The following NELL1 variants were observed in gnomAD, a reference collection of about 807,000 sequenced individuals.
NELL1 encodes the protein protein kinase C-binding protein NELL1.
A neutral mutation model predicts 107.4 loss-of-function variants in NELL1; 76 were observed. The ratio of observed to expected loss-of-function variants is 0.71; its 90% CI spans 0.59 to 0.86. The LOEUF (loss-of-function observed/expected upper bound fraction) is 0.86, where lower values mean the gene tolerates loss of function less well. NELL1 is among the 40% of genes least tolerant of loss of function. NELL1 has a pLI of 0.00. For missense variants in NELL1, 1,024 were observed against 1,005.5 expected (o/e 1.02, Z -0.25); for synonymous variants, 353 against 341.2 (o/e 1.03, Z -0.38).
At chr11:21,284,901 T>C (rs976557375) in intron 14 of NELL1, 4 of 252,952 alleles carry the variant, frequency 1.6e-5, no homozygotes, top group Admixed American at 4.9e-5. Context: ...GGGTACCACA[T>C]TGGACATCAT....
At chr11:21,457,050 G>T (rs1005852978) in intron 15 of NELL1, among the ~76,000 whole-genome samples, 3 of 152,092 alleles carry the variant, frequency 2.0e-5, no homozygotes, top group African/African-American at 7.2e-5. Flanking sequence ...TATAGCTGAG[G>T]AAAATGTGTA....
chr11:21,276,420 A>C lies in NELL1; in HGVS notation c.1549+46966A>C, dbSNP rs539958918. ...AGAGGATACAGAGAAATGGAAGAAC[A>C]TTCCATGCTCATTGGTAGGAAGAAT... On this transcript the variant is annotated intron_variant, in intron 14 of 19. Transcript: ENST00000357134. Among the ~76,000 whole-genome samples, 605 of 152,340 alleles carry C rather than the reference A, an allele frequency of 4.0e-3. 9 individuals carry two copies. The highest frequency in any genetic ancestry group is 6.2e-3 in the Non-Finnish European group (425 of 68,032).
At chr11:20,829,774 A>G (rs992485164) in intron 3 of NELL1, among the ~76,000 whole-genome samples, 3 of 151,934 alleles carry the variant, frequency 2.0e-5, no homozygotes, top group Admixed American at 6.6e-5. Flanking sequence ...ACATTTCCTC[A>G]TGATTAAGTT....
intron 2 of NELL1, among the ~76,000 whole-genome samples, chr11:20,719,395 A>T (rs1371269578): frequency 6.7e-6 from 1 of 148,472 alleles, no homozygotes; most frequent in Non-Finnish European, 1.5e-5. Context: ...GAACAAGGCC[A>T]GAATATTTAA....
chr11:21,420,611 G>A (rs958063337), intron 15 of NELL1, among the ~76,000 whole-genome samples: 1 of 152,022 alleles, frequency 6.6e-6, no homozygotes, highest in African/African-American at 2.4e-5. Flanking sequence ...AGAGGAAGAC[G>A]GCATGAAAAT....
intron 12 of NELL1, among the ~76,000 whole-genome samples, chr11:20,966,987 C>T (rs1426527861): frequency 6.6e-6 from 1 of 152,206 alleles, no homozygotes; most frequent in East Asian, 1.9e-4. Flanking sequence ...GAACCCCAGT[C>T]AAACTAACCG....
chr11:20,984,622 G>T (rs536608814), intron 12 of NELL1, among the ~76,000 whole-genome samples: 1 of 151,536 alleles, frequency 6.6e-6, no homozygotes, highest in Non-Finnish European at 1.5e-5. Context: ...TAGCCTTTAC[G>T]GCCATCTCCT....
At chr11:21,146,206 T>G (rs944114383) in intron 13 of NELL1, among the ~76,000 whole-genome samples, 1 of 151,874 alleles carries the variant, frequency 6.6e-6, no homozygotes, top group African/African-American at 2.4e-5. Flanking sequence ...CATTCTCTGC[T>G]CTACCAATCA....
At chr11:21,103,904 G>A (rs2133710021) in intron 12 of NELL1, among the ~76,000 whole-genome samples, 1 of 152,242 alleles carries the variant, frequency 6.6e-6, no homozygotes, top group Admixed American at 6.5e-5. Context: ...CAAAGTTCAT[G>A]TTCTTGTGAC....
At chr11:21,232,179 A>ATATGTATAT (rs1565122814) in intron 14 of NELL1, among the ~76,000 whole-genome samples, 1 of 111,554 alleles carries the variant, frequency 9.0e-6, no homozygotes, top group Non-Finnish European at 1.8e-5. Flanking sequence ...TATATATATA[A>ATATGTATAT]ATTAGCTGGG....
chr11:21,225,225 G>T (rs925846976), intron 13 of NELL1, among the ~76,000 whole-genome samples: 1 of 152,170 alleles, frequency 6.6e-6, no homozygotes, highest in African/African-American at 2.4e-5. Context: ...TCTTAAAATG[G>T]TATTGTGCTT....
chr11:20,964,317 A>G (rs576039486), intron 12 of NELL1, among the ~76,000 whole-genome samples: 7 of 152,272 alleles, frequency 4.6e-5, no homozygotes, highest in African/African-American at 1.7e-4. Flanking sequence ...GAGTCTCATA[A>G]ACTTTTTCTT....
intron 5 of NELL1, among the ~76,000 whole-genome samples, chr11:20,915,698 A>AT (rs1850229491): frequency 1.2e-4 from 2 of 16,766 alleles, no homozygotes; most frequent in African/African-American, 2.4e-4. Context: ...ATCCTCATAG[A>AT]TGATATATAT....
intron 12 of NELL1, among the ~76,000 whole-genome samples, chr11:21,003,172 A>G (rs921943762): frequency 1.3e-5 from 2 of 152,144 alleles, no homozygotes; most frequent in African/African-American, 4.8e-5. Context: ...TAATTTAGAT[A>G]TAGTCTCCAA....
chr11:20,890,004 A>G (rs931985623), intron 5 of NELL1, among the ~76,000 whole-genome samples: 5 of 152,190 alleles, frequency 3.3e-5, no homozygotes, highest in African/African-American at 1.2e-4. Context: ...CCAATGGCCA[A>G]AATGCCTCAT....
rs375778890 is a variant in NELL1 at position 20,728,391 on chromosome 11, A to G, written c.184+50331A>G. On this transcript the variant is annotated intron_variant, in intron 2 of 19. Coordinates refer to ENST00000357134, the MANE Select transcript of NELL1 (RefSeq NM_006157.5). ...CATAAATTCTTACTTTTCAAGGTCAATGTCGAGAATGGTGTTTCCTAGGCT... is the reference window on the plus strand; with the variant it reads ...CATAAATTCTTACTTTTCAAGGTCAGTGTCGAGAATGGTGTTTCCTAGGCT... Among the ~76,000 whole-genome samples, 15 of 152,230 alleles carry G rather than the reference A, an allele frequency of 9.9e-5. No individual in the cohort carries two copies. The South Asian group carries it at 2.3e-3, about 23-fold the overall frequency.
At chr11:20,706,129 C>T (rs1248903581) in intron 2 of NELL1, among the ~76,000 whole-genome samples, 1 of 152,088 alleles carries the variant, frequency 6.6e-6, no homozygotes, top group African/African-American at 2.4e-5. Flanking sequence ...GGATCTAGAA[C>T]TAGAAATACC....
chr11:21,562,841 T>A (rs1214216740), intron 17 of NELL1, among the ~76,000 whole-genome samples: 5 of 152,062 alleles, frequency 3.3e-5, no homozygotes, highest in Admixed American at 3.3e-4. Flanking sequence ...GAGTTAAAAT[T>A]TTTAAAAGGC....
intron 15 of NELL1, among the ~76,000 whole-genome samples, chr11:21,511,951 CAA>C (rs1205812215): frequency 1.3e-5 from 2 of 152,152 alleles, no homozygotes; most frequent in African/African-American, 4.8e-5. Flanking sequence ...GACATCATAA[CAA>C]AGAGGACATA....
Sources: gnomAD v4.1 joint callset for allele counts (sites outside exome capture counted in the v4.1 genomes callset) on GRCh38, gnomAD v4.1.1 for gene constraint, MANE v1.5 for transcripts, NCBI Gene and HGNC (gene_info 2026-07-23, HGNC 2026-07-21) for gene names.